OTOGL: variants seen among roughly 807,000 people sequenced by gnomAD.
OTOGL encodes the protein otogelin like.
A neutral mutation model predicts 318.5 loss-of-function variants in OTOGL; 285 were observed. The observed-to-expected ratio is 0.89, with a 90% CI of 0.81 to 0.99. The LOEUF (loss-of-function observed/expected upper bound fraction) is 0.99, where lower values mean the gene tolerates loss of function less well. Ranked by LOEUF, OTOGL falls within the 50% of genes least tolerant of loss-of-function variation. OTOGL has a pLI of 0.00. For synonymous variants in OTOGL, 987 were observed against 936.5 expected, an observed-to-expected ratio of 1.05 and a Z score of -0.99; for missense variants, 2,899 against 2,845.6, an observed-to-expected ratio of 1.02 and a Z score of -0.43.
intron 44 of OTOGL, among the ~76,000 whole-genome samples, chr12:80,348,116 T>A (rs1398346744): frequency 2.0e-5 from 3 of 152,196 alleles, no homozygotes; most frequent in African/African-American, 7.2e-5. Flanking sequence ...GCAGAAGCTG[T>A]TTAGTTTAAT....
At chr12:80,244,062 T>C (rs1263197603) in intron 11 of OTOGL, among the ~76,000 whole-genome samples, 2 of 151,354 alleles carry the variant, frequency 1.3e-5, no homozygotes, top group East Asian at 1.9e-4. Context: ...AACCACAACA[T>C]TGAGCATGGA....
At chr12:80,114,326 A>T (rs1231749657) in intron 1 of OTOGL, among the ~76,000 whole-genome samples, 1 of 152,152 alleles carries the variant, frequency 6.6e-6, no homozygotes, top group Non-Finnish European at 1.5e-5. Context: ...AAAATCCCTC[A>T]GCATTTGCTT....
chr12:80,320,471 C>T lies in OTOGL; in HGVS notation c.3852C>T (p.Leu1284=). ...LESAERPNYF[L]YVHDNDTLSL... is the part of the protein sequence containing the mutation. The stretch of plus-strand genomic sequence containing the variant: ...CTGCTGAAAGGCCAAACTACTTTCT[C>T]TATGTCCATGACAATGATACTCTTA... Residue 1284 remains leucine (L), a synonymous_variant, in exon 34 of 59, where the codon CTC becomes CTT. Coordinates refer to ENST00000547103, the MANE Select transcript of OTOGL (RefSeq NM_001378609.3). The T allele has an allele frequency of 6.2e-7, 1 of 1,613,512 alleles. No homozygotes were observed. The highest frequency in any genetic ancestry group is 8.5e-7 in the Non-Finnish European group (1 of 1,179,596).
chr12:80,310,760 C>A, intron 30 of OTOGL, 33 bp downstream of exon 30: 1 of 1,484,316 alleles, frequency 6.7e-7, no homozygotes, highest in Non-Finnish European at 9.3e-7. Flanking sequence ...TCTCGAGTTT[C>A]AATATGTTCT....
intron 1 of OTOGL, among the ~76,000 whole-genome samples, chr12:80,130,741 GTTC>G (rs1433252308): frequency 2.6e-5 from 4 of 152,196 alleles, no homozygotes; most frequent in African/African-American, 9.7e-5. Flanking sequence ...CCAGAGAGCA[GTTC>G]TTCTTTGAAT....
chr12:80,213,568 G>T (rs1432802322), intron 4 of OTOGL, among the ~76,000 whole-genome samples: 2 of 152,104 alleles, frequency 1.3e-5, no homozygotes, highest in African/African-American at 4.8e-5. Flanking sequence ...ATAGGCAAAG[G>T]GTTGTCTATG....
intron 1 of OTOGL, chr12:80,103,232 A>T: frequency 2.7e-6 from 4 of 1,463,740 alleles, no homozygotes; most frequent in Non-Finnish European, 3.8e-6. Flanking sequence ...GCTCTTTGGA[A>T]AGAAGGGAAG....
intron 1 of OTOGL, among the ~76,000 whole-genome samples, chr12:80,113,147 C>G (rs181379556): frequency 2.6e-5 from 4 of 151,762 alleles, no homozygotes; most frequent in Non-Finnish European, 4.4e-5. Context: ...TTCTTTCTTT[C>G]TTTATTAGTC....
chr12:80,300,478 G>T (rs1885686647), intron 27 of OTOGL, among the ~76,000 whole-genome samples: 1 of 152,118 alleles, frequency 6.6e-6, no homozygotes, highest in Admixed American at 6.5e-5. Context: ...AGGCTTCAAG[G>T]CCCAGACACA....
At chr12:80,154,665 T>A (rs1163121680) in intron 1 of OTOGL, among the ~76,000 whole-genome samples, 1 of 152,216 alleles carries the variant, frequency 6.6e-6, no homozygotes, top group African/African-American at 2.4e-5. Context: ...ATTGTCTGGA[T>A]ATACTATATT....
intron 25 of OTOGL, 44 bp from the exon 26 acceptor site, chr12:80,278,984 A>G: frequency 6.4e-7 from 1 of 1,572,340 alleles, no homozygotes; most frequent in Non-Finnish European, 8.6e-7. Context: ...ATCACTAGTT[A>G]GAGTCGTTTC....
intron 11 of OTOGL, among the ~76,000 whole-genome samples, chr12:80,246,171 T>C (rs1880863792): frequency 6.6e-6 from 1 of 150,896 alleles, no homozygotes; most frequent in African/African-American, 2.5e-5. Flanking sequence ...TCCTGCCTGA[T>C]TGCCCTGGCC....
At chr12:80,206,547 G>A (rs2137297275) in intron 1 of OTOGL, among the ~76,000 whole-genome samples, 1 of 152,106 alleles carries the variant, frequency 6.6e-6, no homozygotes. Flanking sequence ...GTCTTGCTCT[G>A]TTGCCAGGCT....
At chr12:80,149,543 G>T (rs1485086926) in intron 1 of OTOGL, among the ~76,000 whole-genome samples, 2 of 152,168 alleles carry the variant, frequency 1.3e-5, no homozygotes, top group African/African-American at 2.4e-5. Context: ...CCTGCCCCCA[G>T]AGGTGGAGCC....
Position 80,254,565 on chromosome 12 carries a change from G to C in OTOGL, c.1436G>C (p.Cys479Ser), listed in dbSNP as rs1247684448. 1 of 1,604,772 alleles carries C rather than the reference G, an allele frequency of 6.2e-7. No homozygotes were observed. Among genetic ancestry groups the C allele is most frequent in the Non-Finnish European group, 8.5e-7 (1 of 1,173,658 alleles). The change falls in exon 15 of 59, where the codon TGT becomes TCT. Residue 479 changes from cysteine to serine, a missense_variant. This residue lies in a region of OTOGL where 2,607 missense variants were observed against 2,524.9 expected (regional missense o/e 1.03). Coordinates refer to ENST00000547103, the MANE Select transcript of OTOGL (RefSeq NM_001378609.3). ...GTTTGGAACTGCACTGAGCAAGACT[G>C]TCCAGGTAATTTTTTAAAATGTTTT... ...GGVWNCTEQD[C>S]PVQCSVVGDS...
intron 1 of OTOGL, among the ~76,000 whole-genome samples, chr12:80,184,107 T>C (rs1875120691): frequency 6.6e-6 from 1 of 152,216 alleles, no homozygotes; most frequent in Non-Finnish European, 1.5e-5. Flanking sequence ...AAACTAGGAA[T>C]GGAAAATATG....
chr12:80,353,086 T>C (rs1423753961), intron 45 of OTOGL, among the ~76,000 whole-genome samples: 2 of 152,142 alleles, frequency 1.3e-5, no homozygotes, highest in Non-Finnish European at 2.9e-5. Flanking sequence ...TTTCCTACCA[T>C]AACAGCTAAT....
chr12:80,127,500 A>T (rs1465985865), intron 1 of OTOGL, among the ~76,000 whole-genome samples: 1 of 152,158 alleles, frequency 6.6e-6, no homozygotes, highest in Admixed American at 6.5e-5. Flanking sequence ...ACTTTGGTGA[A>T]TCTGACAATT....
intron 53 of OTOGL, among the ~76,000 whole-genome samples, chr12:80,366,869 C>T (rs1478407232): frequency 6.6e-6 from 1 of 151,670 alleles, no homozygotes; most frequent in African/African-American, 2.4e-5. Context: ...TCAGAGGCCT[C>T]AGAGAATTTT....
Sources: gnomAD v4.1 joint callset for allele counts (sites outside exome capture counted in the v4.1 genomes callset) on GRCh38, gnomAD v4.1.1 for gene constraint, gnomAD v4.1.1 regional missense constraint, MANE v1.5 for transcripts, NCBI Gene and HGNC (gene_info 2026-07-23, HGNC 2026-07-21) for gene names.